MAPK8IP3: variants seen among roughly 807,000 people sequenced by gnomAD.
The protein encoded by MAPK8IP3 is C-Jun-amino-terminal kinase-interacting protein 3.
Under a neutral mutation model 157.8 loss-of-function variants are expected in MAPK8IP3, and 49 were observed. The observed-to-expected ratio is 0.31, with a 90% CI of 0.25 to 0.39. MAPK8IP3 has a LOEUF of 0.39. Ranked by LOEUF, MAPK8IP3 falls within the 10% of genes least tolerant of loss-of-function variation. The pLI is 1.00. For synonymous variants in MAPK8IP3, 897 were observed against 777.7 expected (o/e 1.15, Z -2.55); for missense variants, 1,478 against 1,889.4 (o/e 0.78, Z 4.04).
Position 1,741,092 on chromosome 16 carries a change from T to G in MAPK8IP3, c.603-2240T>G, listed in dbSNP as rs373290347. 7.3e-4 allele frequency among the ~76,000 whole-genome samples: 111 copies of G among 152,180 alleles called. No individual in the cohort carries two copies. Among genetic ancestry groups the G allele is most frequent in the African/African-American group, 2.5e-3 (104 of 41,528 alleles). On this transcript the variant is annotated intron_variant, in intron 4 of 31. Coordinates refer to ENST00000610761, the MANE Select transcript of MAPK8IP3 (RefSeq NM_001318852.2). The surrounding 1 kb of genome is among the most constrained non-coding windows in gnomAD (Gnocchi z 6.9). The stretch of plus-strand genomic sequence containing the variant: ...GGCCAAGGAAGGGCCCCTCTCTGCA[T>G]CAGTCGGACCTGGACTCATAGCCCA...
intron 2 of MAPK8IP3, among the ~76,000 whole-genome samples, chr16:1,725,018 G>A (rs2038775601): frequency 6.6e-6 from 1 of 152,144 alleles, no homozygotes; most frequent in African/African-American, 2.4e-5. Context: ...TCACACTGCT[G>A]AGGAGTGATG....
chr16:1,731,692 C>G (rs1341653857), intron 4 of MAPK8IP3, among the ~76,000 whole-genome samples: 1 of 152,210 alleles, frequency 6.6e-6, no homozygotes, highest in Non-Finnish European at 1.5e-5. Context: ...GCCAGCCACC[C>G]TATATTTCCA....
chr16:1,746,765 TG>T (rs2141860081), intron 5 of MAPK8IP3: 1 of 505,404 alleles, frequency 2.0e-6, no homozygotes, highest in East Asian at 3.3e-5. Context: ...AGGGCACCAG[TG>T]GAAAGCCCCG....
intron 18 of MAPK8IP3, 21 bp downstream of exon 18, chr16:1,764,231 C>T (rs772065140): frequency 4.4e-6 from 7 of 1,606,416 alleles, no homozygotes; most frequent in South Asian, 1.1e-5. Context: ...GAGGACCCCG[C>T]TCAGGCTGGC....
At chr16:1,747,367 T>C in intron 6 of MAPK8IP3, 92 bp downstream of exon 6, 5 of 1,518,914 alleles carry the variant, frequency 3.3e-6, no homozygotes, top group Admixed American at 1.9e-5. Flanking sequence ...AGGCGGGCAG[T>C]GCAGGCAGCA....
In MAPK8IP3 at chr16:1,736,646, C is replaced by G. The variant is rs563922508; in HGVS notation, c.603-6686C>G. 3.7e-3 allele frequency among the ~76,000 whole-genome samples: 137 copies of G among 36,784 alleles called. 1 individual carries two copies. Among genetic ancestry groups the G allele is most frequent in the Non-Finnish European group, 5.3e-3 (107 of 20,282 alleles). 24.1% of individuals were successfully genotyped at this position (36,784 alleles called of 152,430 possible). A position where few individuals can be genotyped will look rare whatever the true frequency, so the allele number is the denominator to read the frequency against. On this transcript the variant is annotated intron_variant, in intron 4 of 31. Transcript: ENST00000610761. ...TGTGAGCGTCCGTGTGAGCGTGTGA[C>G]CGTCCGTGTGAGCGTGTGACCGTCC...
chr16:1,728,679 G>A (rs2039072406), intron 2 of MAPK8IP3, among the ~76,000 whole-genome samples: 1 of 143,052 alleles, frequency 7.0e-6, no homozygotes. Flanking sequence ...CCATGGTACA[G>A]GGCACAGCAG....
chr16:1,725,409 C>G (rs570680186), intron 2 of MAPK8IP3, among the ~76,000 whole-genome samples: 1 of 150,918 alleles, frequency 6.6e-6, no homozygotes, highest in Non-Finnish European at 1.5e-5. Context: ...GGGTGGATCA[C>G]CTGAGCTTAG....
intron 19 of MAPK8IP3, among the ~76,000 whole-genome samples, chr16:1,764,793 G>A (rs2042160938): frequency 6.6e-6 from 1 of 152,146 alleles, no homozygotes; most frequent in Non-Finnish European, 1.5e-5. Flanking sequence ...GGGCCTCTTG[G>A]AGCTCAGGGG....
chr16:1,735,652 C>A (rs2039673760), intron 4 of MAPK8IP3, among the ~76,000 whole-genome samples: 1 of 133,296 alleles, frequency 7.5e-6, no homozygotes, highest in Non-Finnish European at 1.6e-5. Flanking sequence ...TGAGTGTGAC[C>A]ATCCATGTGA....
In MAPK8IP3 at chr16:1,769,278, GC is replaced by G; in HGVS notation, c.*456del. Reference sequence around the variant, plus strand: ...ACCCTGCCTCCTGGGCCCTCACTCTGCCTAGGGGAGCTGGGCCAGGCACTAG... The same window carrying G: ...ACCCTGCCTCCTGGGCCCTCACTCTGCTAGGGGAGCTGGGCCAGGCACTAG... On this transcript the variant is annotated 3_prime_UTR_variant, in exon 32 of 32. Coordinates refer to ENST00000610761, the MANE Select transcript of MAPK8IP3 (RefSeq NM_001318852.2). 5.2e-6 allele frequency: 1 copy of G among 191,548 alleles called. No homozygotes were observed. Among genetic ancestry groups the G allele is most frequent in the African/African-American group, 2.4e-5 (1 of 42,410 alleles). The allele number at this position is 191,548 out of a possible 1,614,324, so 11.9% of individuals were successfully genotyped here. A position where few individuals can be genotyped will look rare whatever the true frequency, so the allele number is the denominator to read the frequency against.
At chr16:1,733,866 C>A (rs544162011) in intron 4 of MAPK8IP3, among the ~76,000 whole-genome samples, 2 of 152,388 alleles carry the variant, frequency 1.3e-5, no homozygotes, top group Admixed American at 1.3e-4. Context: ...AGCGCTGCCA[C>A]AACCAGGTCC....
At chr16:1,749,293 C>T (rs1039736364) in intron 8 of MAPK8IP3, among the ~76,000 whole-genome samples, 3 of 152,224 alleles carry the variant, frequency 2.0e-5, no homozygotes, top group Admixed American at 1.3e-4. Context: ...TAAAAGAAAT[C>T]CATGCCTGTT....
intron 2 of MAPK8IP3, among the ~76,000 whole-genome samples, chr16:1,727,707 C>T (rs1262231131): frequency 6.6e-6 from 1 of 152,196 alleles, no homozygotes; most frequent in Non-Finnish European, 1.5e-5. Flanking sequence ...TGACTGCTGG[C>T]GCTGACGCCT....
At chr16:1,761,200 C>T (rs1567199970) in intron 12 of MAPK8IP3, 24 bp from the exon 13 acceptor site, 1 of 1,606,696 alleles carries the variant, frequency 6.2e-7, no homozygotes, top group Non-Finnish European at 8.5e-7. Context: ...CCTCACCCTC[C>T]CTGCCTCCTT....
chr16:1,738,337 ACCGT>A (rs533376673), intron 4 of MAPK8IP3, among the ~76,000 whole-genome samples: 26 of 66,270 alleles, frequency 3.9e-4, no homozygotes, highest in South Asian at 9.7e-4. Flanking sequence ...TGAGCGTGTG[ACCGT>A]CCGTGTGTGT....
intron 8 of MAPK8IP3, among the ~76,000 whole-genome samples, chr16:1,749,566 G>A (rs912801005): frequency 3.4e-5 from 5 of 146,290 alleles, no homozygotes; most frequent in Admixed American, 2.7e-4. Flanking sequence ...CTGTCAGCAC[G>A]TGGAGTCTCC....
intron 1 of MAPK8IP3, chr16:1,707,546 G>A (rs1166428959): frequency 6.6e-6 from 1 of 152,314 alleles, no homozygotes; most frequent in Non-Finnish European, 1.5e-5. Flanking sequence ...CGGGCCCTGT[G>A]GGGAGCACCA....
chr16:1,760,928 T>G (rs1359452421), intron 12 of MAPK8IP3, among the ~76,000 whole-genome samples: 1 of 151,978 alleles, frequency 6.6e-6, no homozygotes, highest in Non-Finnish European at 1.5e-5. Flanking sequence ...CTGCTCTGGG[T>G]TTGCCAAAGC....
Sources: gnomAD v4.1 joint callset for allele counts (sites outside exome capture counted in the v4.1 genomes callset) on GRCh38, gnomAD v4.1.1 for gene constraint, Gnocchi (gnomAD v3.1) non-coding constraint, MANE v1.5 for transcripts, NCBI Gene and HGNC (gene_info 2026-07-23, HGNC 2026-07-21) for gene names.